The following SEC24A variants were observed in gnomAD, a reference collection of about 807,000 sequenced individuals.
SEC24A encodes the protein protein transport protein Sec24A.
Under a neutral mutation model 129.4 loss-of-function variants are expected in SEC24A, and 93 were observed. That is an observed-to-expected ratio of 0.72 (90% confidence interval 0.61 to 0.85). The LOEUF is 0.85. Among genes scored for constraint, SEC24A ranks in the 40% least tolerant of loss-of-function variants. SEC24A has a pLI of 0.00. For synonymous variants in SEC24A, 460 were observed against 467.3 expected, an observed-to-expected ratio of 0.98 and a Z score of 0.20; for missense variants, 1,264 against 1,307.4, an observed-to-expected ratio of 0.97 and a Z score of 0.51.
Position 134,661,517 on chromosome 5 carries a change from A to C in SEC24A, c.496A>C (p.Ser166Arg). The C allele has an allele frequency of 6.2e-7, 1 of 1,614,150 alleles. No individual in the cohort carries two copies. Reference protein sequence around the residue: ...SSQPTVSGNTSLTTNHQYVSS... With the variant: ...SSQPTVSGNTRLTTNHQYVSS... ...CCAACCAACTGTATCTGGAAATACA[A>C]GTTTAACCACAAATCATCAATATGT... Residue 166 changes from serine (S) to arginine (R), a missense_variant, in exon 2 of 23, where the codon AGT (serine) becomes CGT (arginine). Coordinates refer to ENST00000398844, the MANE Select transcript of SEC24A (RefSeq NM_021982.3).
Position 134,660,855 on chromosome 5 carries a change from C to T in SEC24A, c.98-264C>T, listed in dbSNP as rs547441798. Among the ~76,000 whole-genome samples, 9 of 152,194 alleles carry T rather than the reference C, an allele frequency of 5.9e-5. No individual in the cohort carries two copies. The South Asian group carries it at 1.9e-3, about 32-fold the overall frequency. ...TACAGATGTGAGCCACTGCGCTGGC[C>T]TTCATTGTGGTTTTGATTTACATTT... On this transcript the variant is annotated intron_variant, in intron 1 of 22. Coordinates refer to ENST00000398844, the MANE Select transcript of SEC24A (RefSeq NM_021982.3).
chr5:134,689,532 G>A (rs1751563126), intron 11 of SEC24A, among the ~76,000 whole-genome samples: 1 of 152,166 alleles, frequency 6.6e-6, no homozygotes, highest in Non-Finnish European at 1.5e-5. Flanking sequence ...GGAGGCCGAG[G>A]CGGGTGGATC....
intron 22 of SEC24A, 101 bp downstream of exon 22, chr5:134,723,771 C>A: frequency 1.4e-6 from 1 of 702,022 alleles, no homozygotes; most frequent in South Asian, 1.8e-5. Context: ...AAAAAGAGTT[C>A]TTCTCAATAA....
In SEC24A at chr5:134,671,771, A is replaced by G. The variant is rs1325834728; in HGVS notation, c.740-38A>G. The G allele has an allele frequency of 9.1e-6, 11 of 1,213,954 alleles. No homozygotes were observed. The South Asian group carries it at 9.4e-5, about 10-fold the overall frequency. The allele number at this position is 1,213,954 out of a possible 1,614,324, so 75.2% of individuals were successfully genotyped here. On this transcript the variant is annotated intron_variant, in intron 3 of 22. Coordinates refer to ENST00000398844, the MANE Select transcript of SEC24A (RefSeq NM_021982.3). The stretch of plus-strand genomic sequence containing the variant: ...AAATCATACAGAGATTGTAATAATC[A>G]TTCTAATTAAAATCTTGTTGATGAA...
intron 7 of SEC24A, 108 bp downstream of exon 7, chr5:134,676,233 A>G (rs1416068493): frequency 4.4e-6 from 3 of 685,714 alleles, no homozygotes; most frequent in Non-Finnish European, 7.0e-6. Context: ...TCTGCCCTCC[A>G]TGTTCAAGTG....
intron 15 of SEC24A, 113 bp from the exon 16 acceptor site, chr5:134,703,646 G>A: frequency 1.4e-6 from 1 of 692,042 alleles, no homozygotes; most frequent in Non-Finnish European, 2.5e-6. Context: ...ACTAAGTACT[G>A]TGTATTATCT....
chr5:134,711,608 G>C (rs1025508628), intron 18 of SEC24A, among the ~76,000 whole-genome samples: 1 of 150,586 alleles, frequency 6.6e-6, no homozygotes, highest in Non-Finnish European at 1.5e-5. Flanking sequence ...ATGTCGCCCA[G>C]GCTGGAGTGG....
intron 20 of SEC24A, 140 bp downstream of exon 20, chr5:134,718,313 T>A: frequency 1.8e-6 from 1 of 557,440 alleles, no homozygotes; most frequent in Non-Finnish European, 3.3e-6. Flanking sequence ...CACTGATTAA[T>A]GATGTGTAAG....
In SEC24A at chr5:134,725,399, G is replaced by A. The variant is rs977983527; in HGVS notation, c.*305G>A. 1 of 193,110 alleles carries A rather than the reference G, an allele frequency of 5.2e-6. No homozygotes were observed. Among genetic ancestry groups the A allele is most frequent in the African/African-American group, 2.3e-5 (1 of 42,840 alleles). 12.0% of individuals were successfully genotyped at this position (193,110 alleles called of 1,614,324 possible). On this transcript the variant is annotated 3_prime_UTR_variant, in exon 23 of 23. Coordinates refer to ENST00000398844, the MANE Select transcript of SEC24A (RefSeq NM_021982.3). Reference sequence around the variant, plus strand: ...ATATTGCAGAGGCAAAGTACATTTTGTAAAATAAAGATTTCTGTGTTCTAC... The same window carrying A: ...ATATTGCAGAGGCAAAGTACATTTTATAAAATAAAGATTTCTGTGTTCTAC...
intron 7 of SEC24A, among the ~76,000 whole-genome samples, chr5:134,679,298 A>G (rs113014069): frequency 0.023 from 3,544 of 151,690 alleles, 140 homozygotes; most frequent in African/African-American, 0.08. Context: ...GCCTCAAGCA[A>G]TCCTTCCGCC....
intron 18 of SEC24A, among the ~76,000 whole-genome samples, chr5:134,711,938 G>A (rs970418032): frequency 6.6e-6 from 1 of 151,984 alleles, no homozygotes; most frequent in East Asian, 1.9e-4. Flanking sequence ...TAGTAGAGAC[G>A]GGGTTTCACG....
rs2150114588 is a variant in SEC24A at position 134,721,190 on chromosome 5, AC to A, written c.3063+102del. 3 of 706,068 alleles carry A rather than the reference AC, an allele frequency of 4.2e-6. No homozygotes were observed. In the East Asian group the frequency reaches 8.2e-5, roughly 19 times the overall value. 43.7% of individuals were successfully genotyped at this position (706,068 alleles called of 1,614,324 possible). ...TATCAGAAAATAATAACAAAATCAT[AC>A]CAAAAATTTTTATTGATGGGTTTTC... is the stretch of plus-strand genomic sequence containing the variant. On this transcript the variant is annotated intron_variant, in intron 21 of 22. Coordinates refer to ENST00000398844, the MANE Select transcript of SEC24A (RefSeq NM_021982.3).
chr5:134,715,075 A>C lies in SEC24A; in HGVS notation c.2779A>C (p.Met927Leu), dbSNP rs541140427. ...ACGTCTAGATGAACGCATTTTTGCT[A>C]TGTGTCAAGTGAAAAACCAGCCCTT... ...NARLDERIFA[M>L]CQVKNQPLVY... Residue 927 changes from methionine to leucine, a missense_variant, in exon 19 of 23, where the codon ATG becomes CTG. By Grantham distance (15) the Met-to-Leu change is conservative. Coordinates refer to ENST00000398844, the MANE Select transcript of SEC24A (RefSeq NM_021982.3). 4.3e-6 allele frequency: 7 copies of C among 1,612,872 alleles called. No homozygotes were observed. The highest frequency in any genetic ancestry group is 1.3e-5 in the African/African-American group (1 of 75,008).
At chr5:134,681,172 T>C (rs1427938184) in intron 8 of SEC24A, among the ~76,000 whole-genome samples, 2 of 150,972 alleles carry the variant, frequency 1.3e-5, no homozygotes, top group African/African-American at 4.9e-5. Context: ...CTGAGGTGGG[T>C]GGATCACCTA....
At chr5:134,690,090 C>G (rs898746738) in intron 11 of SEC24A, among the ~76,000 whole-genome samples, 1 of 152,194 alleles carries the variant, frequency 6.6e-6, no homozygotes, top group African/African-American at 2.4e-5. Flanking sequence ...GCCATCTCGG[C>G]TCGCTGCAAC....
chr5:134,667,147 T>G, intron 3 of SEC24A, 151 bp downstream of exon 3: 3 of 584,352 alleles, frequency 5.1e-6, no homozygotes, highest in Non-Finnish European at 5.5e-6. Flanking sequence ...CAATTTAAAG[T>G]TCCTCAGGAA....
At chr5:134,681,936 A>T (rs1178726840) in intron 8 of SEC24A, among the ~76,000 whole-genome samples, 2 of 152,064 alleles carry the variant, frequency 1.3e-5, no homozygotes, top group African/African-American at 4.8e-5. Flanking sequence ...ATATCCTTGT[A>T]TAATTGGGAA....
intron 11 of SEC24A, among the ~76,000 whole-genome samples, chr5:134,691,502 C>CT (rs557222613): frequency 0.011 from 1,334 of 125,396 alleles, 22 homozygotes; most frequent in South Asian, 0.057. Context: ...TGTGGGCCTT[C>CT]TTTTTTTTTT....
intron 16 of SEC24A, among the ~76,000 whole-genome samples, chr5:134,704,878 T>G (rs879668534): frequency 2.7e-5 from 4 of 150,810 alleles, no homozygotes; most frequent in Non-Finnish European, 5.9e-5. Flanking sequence ...GGTCTTACTA[T>G]GTTGTTCAGC....
Sources: gnomAD v4.1 joint callset for allele counts (sites outside exome capture counted in the v4.1 genomes callset) on GRCh38, gnomAD v4.1.1 for gene constraint, MANE v1.5 for transcripts, NCBI Gene and HGNC (gene_info 2026-07-23, HGNC 2026-07-21) for gene names.